The following RGS20 variants were observed in gnomAD, a reference collection of about 807,000 sequenced individuals.
RGS20 encodes regulator of G protein signaling 20.
A neutral mutation model predicts 33.6 loss-of-function variants in RGS20; 30 were observed. The ratio of observed to expected loss-of-function variants is 0.89; its 90% confidence interval spans 0.67 to 1.21. The LOEUF is 1.21. Among genes scored for constraint, RGS20 ranks in the 50% most tolerant of loss-of-function variants. The probability of loss-of-function intolerance (pLI) is 0.00; values close to 1 mark genes in which losing one functional copy is unlikely to be tolerated. For synonymous variants in RGS20, 208 were observed against 197.9 expected, an observed-to-expected ratio of 1.05 and a Z score of -0.43; for missense variants, 472 against 502.4, an observed-to-expected ratio of 0.94 and a Z score of 0.58.
At chr8:53,893,040 G>A (rs1466428922) in intron 2 of RGS20, among the ~76,000 whole-genome samples, 1 of 152,100 alleles carries the variant, frequency 6.6e-6, no homozygotes, top group Non-Finnish European at 1.5e-5. Flanking sequence ...ATTCAGAATA[G>A]TCACTCTCAG....
rs1009549572 is a variant in RGS20, at chr8:53,855,175, T to C, written c.165+3111T>C. 1.1e-4 allele frequency among the ~76,000 whole-genome samples: 17 copies of C among 152,154 alleles called. No homozygotes were observed. The East Asian group carries it at 1.2e-3, about 10-fold the overall frequency. On this transcript the variant is annotated intron_variant, in intron 1 of 5. Transcript: ENST00000297313. ...TGCCTCCTGGGTTCAGGCGATTCTC[T>C]CACCTCTGCCTCCCAAGAAGCTAGG...
intron 2 of RGS20, among the ~76,000 whole-genome samples, chr8:53,908,434 G>A (rs955567339): frequency 1.3e-5 from 2 of 152,130 alleles, no homozygotes; most frequent in African/African-American, 4.8e-5. Context: ...GAGCCCAGGA[G>A]TTTGAGACCA....
At chr8:53,897,610 AT>A (rs1288446489) in intron 2 of RGS20, among the ~76,000 whole-genome samples, 5 of 152,232 alleles carry the variant, frequency 3.3e-5, no homozygotes, top group African/African-American at 1.2e-4. Context: ...ACCATAGTAC[AT>A]TCTTTCTTAT....
At chr8:53,882,681 T>C (rs1004228) in intron 2 of RGS20, among the ~76,000 whole-genome samples, 11,593 of 151,176 alleles carry the variant, frequency 0.077, 960 homozygotes, top group East Asian at 0.32. Flanking sequence ...CCTATCGCTC[T>C]TTGTCGAACT....
In RGS20 at chr8:53,956,592, T is replaced by A. The variant is rs145554939; in HGVS notation, c.979-1678T>A. On this transcript the variant is annotated intron_variant, in intron 5 of 5. Coordinates refer to ENST00000297313, the MANE Select transcript of RGS20 (RefSeq NM_170587.4). ...CCCACCGTCTCAAATGACTCCCATA[T>A]GTCTGGTGTAGGCAGACCAGGTGGT... 4.1e-3 allele frequency among the ~76,000 whole-genome samples: 617 copies of A among 152,308 alleles called. 13 individuals are homozygous for A. The highest frequency in any genetic ancestry group is 0.025 in the South Asian group (121 of 4,820).
intron 4 of RGS20, 110 bp from the exon 4 acceptor site, chr8:53,953,966 G>T (rs970856783): frequency 1.2e-6 from 1 of 803,848 alleles, no homozygotes; most frequent in South Asian, 1.4e-5. Context: ...GGGCCTAAAT[G>T]CATATATTTT....
chr8:53,954,689 C>CT (rs139245547), intron 5 of RGS20, among the ~76,000 whole-genome samples: 270 of 131,158 alleles, frequency 2.1e-3, no homozygotes, highest in African/African-American at 3.1e-3. Context: ...AAGTAATTGC[C>CT]TTTTTTTTTT....
chr8:53,944,679 G>T (rs904058222), intron 3 of RGS20, among the ~76,000 whole-genome samples: 1 of 151,972 alleles, frequency 6.6e-6, no homozygotes, highest in African/African-American at 2.4e-5. Flanking sequence ...AAATACAGAA[G>T]AATTCAGAAA....
chr8:53,895,245 CAG>C (rs1381082743), intron 2 of RGS20, among the ~76,000 whole-genome samples: 1 of 152,090 alleles, frequency 6.6e-6, no homozygotes, highest in Non-Finnish European at 1.5e-5. Flanking sequence ...GGAGGTGAAA[CAG>C]AGGGGCTGGA....
rs530816423 is a variant in RGS20 at position 53,872,345 on chromosome 8, A to G, written c.166-6913A>G. 4.0e-5 allele frequency among the ~76,000 whole-genome samples: 6 copies of G among 151,758 alleles called. No homozygotes were observed. The East Asian group carries it at 1.2e-3, about 29-fold the overall frequency. On this transcript the variant is annotated intron_variant, in intron 1 of 5. Coordinates refer to ENST00000297313, the MANE Select transcript of RGS20 (RefSeq NM_170587.4). Reference sequence around the variant, plus strand: ...AACTAGATGTCTCTCTTGCTGAAAAACCTCTCAATGATTTCCCATTGCTTT... The same window carrying G: ...AACTAGATGTCTCTCTTGCTGAAAAGCCTCTCAATGATTTCCCATTGCTTT...
intron 4 of RGS20, among the ~76,000 whole-genome samples, chr8:53,950,811 C>T (rs376608117): frequency 1.3e-5 from 2 of 152,128 alleles, no homozygotes; most frequent in Admixed American, 1.3e-4. Context: ...GACGGGGTTT[C>T]ACCATGTTGC....
intron 1 of RGS20, among the ~76,000 whole-genome samples, chr8:53,861,290 C>T (rs1174978712): frequency 2.6e-5 from 4 of 152,210 alleles, no homozygotes; most frequent in Admixed American, 2.6e-4. Flanking sequence ...AGACCCTCAG[C>T]CCCTAGGGGA....
chr8:53,901,526 T>A (rs938142211), intron 2 of RGS20, among the ~76,000 whole-genome samples: 1 of 152,182 alleles, frequency 6.6e-6, no homozygotes, highest in Non-Finnish European at 1.5e-5. Context: ...GTCTCTGCTG[T>A]CTATTGCCAC....
At chr8:53,918,346 T>G (rs1455615214) in intron 2 of RGS20, among the ~76,000 whole-genome samples, 1 of 152,186 alleles carries the variant, frequency 6.6e-6, no homozygotes, top group Admixed American at 6.5e-5. Context: ...TAGCCTTTTG[T>G]GTCTGCCTTC....
intron 2 of RGS20, among the ~76,000 whole-genome samples, chr8:53,929,645 G>A (rs890760740): frequency 1.3e-5 from 2 of 152,192 alleles, no homozygotes; most frequent in Admixed American, 6.5e-5. Flanking sequence ...TCCAGCCTGG[G>A]TGACAAGAGC....
intron 2 of RGS20, among the ~76,000 whole-genome samples, chr8:53,909,532 C>CT (rs1296509580): frequency 6.7e-6 from 1 of 149,402 alleles, no homozygotes; most frequent in Non-Finnish European, 1.5e-5. Context: ...GGGATTACAG[C>CT]TGTGGGCCAC....
intron 2 of RGS20, among the ~76,000 whole-genome samples, chr8:53,925,622 C>T (rs1425095724): frequency 6.6e-6 from 1 of 152,116 alleles, no homozygotes; most frequent in Non-Finnish European, 1.5e-5. Flanking sequence ...GTAATCCCAG[C>T]TACTCAGGAG....
chr8:53,917,794 G>A (rs1351221992), intron 2 of RGS20, among the ~76,000 whole-genome samples: 1 of 152,114 alleles, frequency 6.6e-6, no homozygotes, highest in African/African-American at 2.4e-5. Context: ...GTAGTTTTTA[G>A]TATACTTACA....
chr8:53,865,318 A>G (rs987109811), intron 1 of RGS20, among the ~76,000 whole-genome samples: 2 of 152,208 alleles, frequency 1.3e-5, no homozygotes, highest in African/African-American at 4.8e-5. Context: ...TCATACCTTC[A>G]GGGTCTACTC....
Sources: gnomAD v4.1 joint callset for allele counts (sites outside exome capture counted in the v4.1 genomes callset) on GRCh38, gnomAD v4.1.1 for gene constraint, MANE v1.5 for transcripts, NCBI Gene and HGNC (gene_info 2026-07-23, HGNC 2026-07-21) for gene names.